ACSS3: variants seen among roughly 807,000 people sequenced by gnomAD.
The protein encoded by ACSS3 is acyl-CoA synthetase short-chain family member 3, mitochondrial.
Under a neutral mutation model 84.2 loss-of-function variants are expected in ACSS3, and 64 were observed. The observed-to-expected ratio is 0.76, with a 90% CI of 0.62 to 0.94. The LOEUF (loss-of-function observed/expected upper bound fraction) is 0.94, where lower values mean the gene tolerates loss of function less well. Ranked by LOEUF, ACSS3 falls within the 40% of genes least tolerant of loss-of-function variation. The pLI, the probability that ACSS3 is intolerant of heterozygous loss-of-function variation, is 0.00. For synonymous variants in ACSS3, 317 were observed against 310.1 expected (o/e 1.02, Z -0.23); for missense variants, 815 against 867.6 (o/e 0.94, Z 0.76).
At chr12:81,183,642 A>T (rs1055072224) in intron 8 of ACSS3, among the ~76,000 whole-genome samples, 2 of 152,074 alleles carry the variant, frequency 1.3e-5, no homozygotes, top group South Asian at 2.1e-4. Flanking sequence ...AGAGAGCAGG[A>T]GTGGTTATAC....
intron 7 of ACSS3, among the ~76,000 whole-genome samples, chr12:81,174,025 G>A (rs2030286083): frequency 6.6e-6 from 1 of 152,142 alleles, no homozygotes; most frequent in African/African-American, 2.4e-5. Flanking sequence ...CAGTGATGAG[G>A]ACTGATTATG....
chr12:81,245,486 G>A (rs890951226), intron 13 of ACSS3, among the ~76,000 whole-genome samples: 2 of 152,002 alleles, frequency 1.3e-5, no homozygotes, highest in Non-Finnish European at 2.9e-5. Flanking sequence ...ACAAAAAATA[G>A]GTTGAATAAA....
At chr12:81,132,350 G>T (rs925200623) in intron 2 of ACSS3, among the ~76,000 whole-genome samples, 9 of 152,156 alleles carry the variant, frequency 5.9e-5, no homozygotes, top group Non-Finnish European at 1.2e-4. Context: ...TCCTGGTTTA[G>T]TCTTGGGAGG....
intron 1 of ACSS3, among the ~76,000 whole-genome samples, chr12:81,103,429 TTTTA>T (rs1882697360): frequency 6.6e-6 from 1 of 152,224 alleles, no homozygotes; most frequent in South Asian, 2.1e-4. Context: ...ACTGGAATGA[TTTTA>T]TTTAAAATGA....
At chr12:81,204,351 T>C (rs2032251949) in intron 9 of ACSS3, among the ~76,000 whole-genome samples, 1 of 142,530 alleles carries the variant, frequency 7.0e-6, no homozygotes, top group African/African-American at 2.6e-5. Context: ...CTTCCTTCCC[T>C]CCCTTCCTCC....
chr12:81,122,839 A>C (rs1884746484), intron 2 of ACSS3, among the ~76,000 whole-genome samples: 4 of 152,192 alleles, frequency 2.6e-5, no homozygotes, highest in Admixed American at 2.6e-4. Context: ...TTTCTTCAGC[A>C]CTTGGGATAT....
chr12:81,225,632 A>G (rs558995331), intron 11 of ACSS3, among the ~76,000 whole-genome samples: 1 of 151,968 alleles, frequency 6.6e-6, no homozygotes, highest in Non-Finnish European at 1.5e-5. Flanking sequence ...ATGTCATTTC[A>G]TTAACTTAAT....
chr12:81,083,997 C>T (rs192725777), intron 1 of ACSS3, among the ~76,000 whole-genome samples: 9 of 152,170 alleles, frequency 5.9e-5, no homozygotes, highest in African/African-American at 2.2e-4. Context: ...CCCGGAATGT[C>T]TGTCGGCGAT....
chr12:81,103,851 G>A (rs1483859691), intron 1 of ACSS3, among the ~76,000 whole-genome samples: 1 of 152,134 alleles, frequency 6.6e-6, no homozygotes, highest in Non-Finnish European at 1.5e-5. Flanking sequence ...ATGTTTGAGG[G>A]TTTGGTTCTG....
intron 5 of ACSS3, among the ~76,000 whole-genome samples, chr12:81,146,778 G>A (rs1047247028): frequency 2.6e-5 from 4 of 152,072 alleles, no homozygotes; most frequent in Non-Finnish European, 5.9e-5. Context: ...TCCCTCATCT[G>A]GATCAGATGT....
intron 9 of ACSS3, among the ~76,000 whole-genome samples, chr12:81,203,473 G>A (rs1260846484): frequency 6.6e-6 from 1 of 152,108 alleles, no homozygotes; most frequent in Non-Finnish European, 1.5e-5. Flanking sequence ...AGTGCAACTT[G>A]TATTAGTACC....
chr12:81,201,451 T>G (rs1184258991), intron 9 of ACSS3, among the ~76,000 whole-genome samples: 1 of 152,230 alleles, frequency 6.6e-6, no homozygotes, highest in Non-Finnish European at 1.5e-5. Context: ...TTACTTTTTC[T>G]TATAGACACC....
intron 7 of ACSS3, among the ~76,000 whole-genome samples, chr12:81,168,556 G>T (rs1289544192): frequency 6.6e-6 from 1 of 152,100 alleles, no homozygotes; most frequent in South Asian, 2.1e-4. Flanking sequence ...ACTCTTTAAA[G>T]GTCTCTGGGT....
Position 81,259,113 on chromosome 12 carries a change from G to A in ACSS3, c.*4191G>A. 5.3e-6 allele frequency: 1 copy of A among 186,938 alleles called. No individual in the cohort carries two copies. The highest frequency in any genetic ancestry group is 1.1e-5 in the Non-Finnish European group (1 of 90,406). 11.6% of individuals were successfully genotyped at this position (186,938 alleles called of 1,614,324 possible). A position where few individuals can be genotyped will look rare whatever the true frequency, so the allele number is the denominator to read the frequency against. Reference sequence around the variant, plus strand: ...TCAGAGGCAGGTTGTTCAGCTTTAAGTATTGACAGACTTGAAGGAGAAACA... The same window carrying A: ...TCAGAGGCAGGTTGTTCAGCTTTAAATATTGACAGACTTGAAGGAGAAACA... On this transcript the variant is annotated 3_prime_UTR_variant, in exon 16 of 16. Transcript: ENST00000548058.
chr12:81,081,226 G>T (rs1403873111), intron 1 of ACSS3, among the ~76,000 whole-genome samples: 1 of 152,208 alleles, frequency 6.6e-6, no homozygotes, highest in Non-Finnish European at 1.5e-5. Context: ...TATGCATGCA[G>T]TAATATAGAC....
chr12:81,246,647 A>AT lies in ACSS3; in HGVS notation c.1720-6653dup, dbSNP rs563179816. On this transcript the variant is annotated intron_variant, in intron 13 of 15. Coordinates refer to ENST00000548058, the MANE Select transcript of ACSS3 (RefSeq NM_024560.4). ...TATTGTGGAAGATATAAGTTACTTC[A>AT]TTTTTTTCTAGAAGCAAACCCCAGA... Among the ~76,000 whole-genome samples, 7 of 152,292 alleles carry AT rather than the reference A, an allele frequency of 4.6e-5. No homozygotes were observed. In the South Asian group the frequency reaches 1.2e-3, roughly 27 times the overall value.
chr12:81,253,324 T>A lies in ACSS3; in HGVS notation c.1737T>A (p.Gly579=). 1 of 1,613,882 alleles carries A rather than the reference T, an allele frequency of 6.2e-7. No individual in the cohort carries two copies. Among genetic ancestry groups the A allele is most frequent in the Non-Finnish European group, 8.5e-7 (1 of 1,179,824 alleles). Residue 579 remains glycine, a synonymous_variant, in exon 14 of 16, where the codon GGT becomes GGA. Coordinates refer to ENST00000548058, the MANE Select transcript of ACSS3 (RefSeq NM_024560.4). ...TATTACAGTCAATCCTTTCCCATGG[T>A]ACCGTGGCAGACTGTGCTGTTGTTG... ...GAIEESILSH[G]TVADCAVVGK...
intron 4 of ACSS3, among the ~76,000 whole-genome samples, chr12:81,140,569 C>T (rs375853079): frequency 1.8e-4 from 28 of 152,254 alleles, no homozygotes; most frequent in African/African-American, 6.7e-4. Flanking sequence ...CATTAAATTC[C>T]TGTGTAAAGT....
In ACSS3 at chr12:81,259,440, T is replaced by C. The variant is rs1593261453; in HGVS notation, c.*4518T>C. 2 of 659,060 alleles carry C rather than the reference T, an allele frequency of 3.0e-6. No homozygotes were observed. Among genetic ancestry groups the C allele is most frequent in the Non-Finnish European group, 5.4e-6 (2 of 369,820 alleles). 40.8% of individuals were successfully genotyped at this position (659,060 alleles called of 1,614,324 possible). A position where few individuals can be genotyped will look rare whatever the true frequency, so the allele number is the denominator to read the frequency against. On this transcript the variant is annotated 3_prime_UTR_variant, in exon 16 of 16. Transcript: ENST00000548058. ...AGCATCTGTTGTACAGAGTTTATGA[T>C]GTAGATGATGTTTATTATTCAAATG...
Sources: gnomAD v4.1 joint callset for allele counts (sites outside exome capture counted in the v4.1 genomes callset) on GRCh38, gnomAD v4.1.1 for gene constraint, MANE v1.5 for transcripts, NCBI Gene and HGNC (gene_info 2026-07-23, HGNC 2026-07-21) for gene names.